FRMD4A: variants seen among roughly 807,000 people sequenced by gnomAD.
FRMD4A encodes the protein FERM domain-containing protein 4A.
FRMD4A carries 29 observed loss-of-function variants against 129.1 expected under a neutral mutation model. That is an observed-to-expected ratio of 0.22 (90% CI 0.17 to 0.31). The LOEUF (loss-of-function observed/expected upper bound fraction) is 0.31, where lower values mean the gene tolerates loss of function less well. Ranked by LOEUF, FRMD4A falls within the 10% of genes least tolerant of loss-of-function variation. The pLI is 1.00. For missense variants in FRMD4A, 1,272 were observed against 1,375.8 expected, an observed-to-expected ratio of 0.92 and a Z score of 1.19; for synonymous variants, 634 against 571.6, an observed-to-expected ratio of 1.11 and a Z score of -1.56.
At chr10:13,805,153 T>A (rs1460195490) in intron 4 of FRMD4A, among the ~76,000 whole-genome samples, 1 of 152,112 alleles carries the variant, frequency 6.6e-6, no homozygotes, top group Non-Finnish European at 1.5e-5. Context: ...TTCTTTTTTT[T>A]TTCTTTAAGA....
At chr10:14,202,463 G>T (rs879830574) in intron 2 of FRMD4A, among the ~76,000 whole-genome samples, 1 of 152,078 alleles carries the variant, frequency 6.6e-6, no homozygotes, top group African/African-American at 2.4e-5. Context: ...GTGCAGTGGC[G>T]CTATCTCGGC....
intron 2 of FRMD4A, among the ~76,000 whole-genome samples, chr10:14,314,480 A>T (rs150561244): frequency 1.2e-3 from 181 of 152,308 alleles, no homozygotes; most frequent in African/African-American, 4.2e-3. Flanking sequence ...GTGAAAAATA[A>T]GGGGAAGTGT....
At chr10:13,790,620 G>C (rs990369986) in intron 5 of FRMD4A, among the ~76,000 whole-genome samples, 1 of 152,194 alleles carries the variant, frequency 6.6e-6, no homozygotes, top group Admixed American at 6.5e-5. Flanking sequence ...GTTCGAATGA[G>C]CCCAGAGCCA....
At chr10:14,282,090 G>A (rs182627590) in intron 2 of FRMD4A, among the ~76,000 whole-genome samples, 8 of 152,174 alleles carry the variant, frequency 5.3e-5, no homozygotes, top group Admixed American at 2.0e-4. Context: ...GGGGTTTTTC[G>A]TTATAAAACC....
chr10:14,029,143 T>G (rs1833116186), intron 2 of FRMD4A, among the ~76,000 whole-genome samples: 2 of 152,196 alleles, frequency 1.3e-5, no homozygotes, highest in Non-Finnish European at 2.9e-5. Context: ...AACCGTTAAA[T>G]TTCTTTCTCT....
intron 2 of FRMD4A, chr10:14,083,595 T>G (rs1276075545): frequency 1.3e-5 from 2 of 152,310 alleles, no homozygotes; most frequent in Admixed American, 6.5e-5. Context: ...TCAGTCTGTA[T>G]TCACACCTAA....
intron 2 of FRMD4A, among the ~76,000 whole-genome samples, chr10:14,084,357 G>A (rs1482285774): frequency 6.6e-6 from 1 of 152,164 alleles, no homozygotes; most frequent in Non-Finnish European, 1.5e-5. Flanking sequence ...ATGTTGGTCA[G>A]GCTGGTCTTG....
intron 2 of FRMD4A, among the ~76,000 whole-genome samples, chr10:13,863,664 A>AAT (rs1036522800): frequency 2.0e-5 from 3 of 152,024 alleles, no homozygotes; most frequent in African/African-American, 4.8e-5. Context: ...GAGGCAAAAA[A>AAT]ATATATATAT....
At chr10:14,055,436 GCTA>G (rs775237036) in intron 2 of FRMD4A, among the ~76,000 whole-genome samples, 5,756 of 140,840 alleles carry the variant, frequency 0.041, 183 homozygotes, top group African/African-American at 0.11. Flanking sequence ...TGCTGATCTA[GCTA>G]CACACACACA....
chr10:14,180,179 CA>C (rs1841866644), intron 2 of FRMD4A, among the ~76,000 whole-genome samples: 1 of 152,154 alleles, frequency 6.6e-6, no homozygotes, highest in Non-Finnish European at 1.5e-5. Context: ...TATTGAGCAT[CA>C]GCTTTGTTCC....
At chr10:13,729,628 AT>A (rs2135015309) in intron 12 of FRMD4A, 1 of 152,320 alleles carries the variant, frequency 6.6e-6, no homozygotes, top group East Asian at 1.9e-4. Flanking sequence ...TGCTTCCGAA[AT>A]ACCCTTAGGA....
chr10:14,291,413 G>T (rs1357614817), intron 2 of FRMD4A, among the ~76,000 whole-genome samples: 1 of 151,918 alleles, frequency 6.6e-6, no homozygotes, highest in South Asian at 2.1e-4. Context: ...TCTGACCCAG[G>T]GTCCAGATCT....
At chr10:14,077,227 G>A (rs1055166598) in intron 2 of FRMD4A, among the ~76,000 whole-genome samples, 1 of 152,146 alleles carries the variant, frequency 6.6e-6, no homozygotes, top group African/African-American at 2.4e-5. Context: ...CAAAAAATAT[G>A]CATTATAAGA....
intron 2 of FRMD4A, among the ~76,000 whole-genome samples, chr10:14,173,919 T>A (rs1350214386): frequency 2.6e-5 from 4 of 151,874 alleles, no homozygotes; most frequent in Non-Finnish European, 4.4e-5. Context: ...AGTTCTGAAA[T>A]GAGACAAAAG....
At chr10:13,688,192 C>T (rs1322404721) in intron 15 of FRMD4A, among the ~76,000 whole-genome samples, 3 of 152,166 alleles carry the variant, frequency 2.0e-5, no homozygotes, top group Non-Finnish European at 4.4e-5. Context: ...GGCACATATA[C>T]ACCATGGAAT....
At chr10:14,078,370 G>C (rs899466524) in intron 2 of FRMD4A, among the ~76,000 whole-genome samples, 9 of 152,198 alleles carry the variant, frequency 5.9e-5, no homozygotes, top group Non-Finnish European at 1.2e-4. Flanking sequence ...CTGGCAACAG[G>C]CTCAAGGCTA....
At chr10:13,815,626 T>G (rs2093529953) in intron 3 of FRMD4A, among the ~76,000 whole-genome samples, 1 of 152,140 alleles carries the variant, frequency 6.6e-6, no homozygotes, top group Non-Finnish European at 1.5e-5. Flanking sequence ...AAAGCCCACA[T>G]GTGTAATCCC....
rs139372223 is a variant in FRMD4A at position 13,723,969 on chromosome 10, A to G, written c.759+13875T>C. Among the ~76,000 whole-genome samples, 546 of 152,324 alleles carry G rather than the reference A, an allele frequency of 3.6e-3. 1 individual carries two copies. The highest frequency in any genetic ancestry group is 0.013 in the African/African-American group (525 of 41,556). ...CACTCTAATTTCTTAATAAAAGCTTATTTTGCTATTTAAAGTGACTGGGTG... is the reference window on the plus strand; with the variant it reads ...CACTCTAATTTCTTAATAAAAGCTTGTTTTGCTATTTAAAGTGACTGGGTG... On this transcript the variant is annotated intron_variant, in intron 12 of 24. Coordinates refer to ENST00000357447, the MANE Select transcript of FRMD4A (RefSeq NM_018027.5).
intron 2 of FRMD4A, among the ~76,000 whole-genome samples, chr10:14,140,890 G>A (rs1839801142): frequency 6.6e-6 from 1 of 152,088 alleles, no homozygotes; most frequent in Non-Finnish European, 1.5e-5. Context: ...ATAAAGCAGG[G>A]GCTCAGGGAG....
Sources: allele counts gnomAD v4.1 joint callset (sites outside exome capture counted in the v4.1 genomes callset), GRCh38; gene constraint gnomAD v4.1.1; transcripts MANE v1.5; gene names NCBI Gene and HGNC (gene_info 2026-07-23, HGNC 2026-07-21).